Variants in DLG2 observed in about 807,000 individuals in gnomAD.
The protein encoded by DLG2 is discs large MAGUK scaffold protein 2, also known as disks large homolog 2.
DLG2 carries 45 observed loss-of-function variants against 132.5 expected under a neutral mutation model. The observed-to-expected ratio is 0.34, with a 90% CI of 0.27 to 0.44. DLG2 has a LOEUF of 0.44. Among genes scored for constraint, DLG2 ranks in the 20% least tolerant of loss-of-function variants. The probability of loss-of-function intolerance (pLI) is 1.00; values close to 1 mark genes in which losing one functional copy is unlikely to be tolerated. For synonymous variants in DLG2, 424 were observed against 419.6 expected (o/e 1.01, Z -0.13); for missense variants, 1,045 against 1,196.9 (o/e 0.87, Z 1.87).
At chr11:85,102,548 G>C (rs1454035017) in intron 6 of DLG2, among the ~76,000 whole-genome samples, 1 of 151,908 alleles carries the variant, frequency 6.6e-6, no homozygotes, top group African/African-American at 2.4e-5. Flanking sequence ...AAAGTTTTAA[G>C]TATTAAAAAC....
chr11:84,918,409 A>G (rs1242668035), intron 6 of DLG2, among the ~76,000 whole-genome samples: 2 of 152,160 alleles, frequency 1.3e-5, no homozygotes, highest in African/African-American at 4.8e-5. Context: ...CTTCGAAGAT[A>G]GATATAGACA....
At chr11:85,215,150 T>C (rs2082498156) in intron 4 of DLG2, among the ~76,000 whole-genome samples, 2 of 152,092 alleles carry the variant, frequency 1.3e-5, no homozygotes, top group African/African-American at 4.8e-5. Context: ...AAACACAAGT[T>C]CATAATTTAA....
chr11:84,128,877 T>C (rs555885664), intron 9 of DLG2, among the ~76,000 whole-genome samples: 2 of 152,234 alleles, frequency 1.3e-5, no homozygotes, highest in South Asian at 4.1e-4. Flanking sequence ...AACTTCAGAG[T>C]TCAACATACA....
chr11:85,088,308 T>C (rs971703168), intron 6 of DLG2, among the ~76,000 whole-genome samples: 1 of 152,174 alleles, frequency 6.6e-6, no homozygotes, highest in African/African-American at 2.4e-5. Context: ...ACAGAATCAA[T>C]ATATATTTCT....
At chr11:84,094,016 A>C (rs2097133796) in intron 10 of DLG2, among the ~76,000 whole-genome samples, 1 of 151,076 alleles carries the variant, frequency 6.6e-6, no homozygotes, top group Non-Finnish European at 1.5e-5. Context: ...ACATGTGCAC[A>C]TTGTGCAGGT....
intron 6 of DLG2, among the ~76,000 whole-genome samples, chr11:84,584,833 C>T (rs987149677): frequency 6.6e-6 from 1 of 150,438 alleles, no homozygotes; most frequent in Non-Finnish European, 1.5e-5. Flanking sequence ...GGACTACAGG[C>T]GCCCGCCACT....
Position 83,455,357 on chromosome 11 carries a change from C to A in DLG2, c.*4461G>T, listed in dbSNP as rs1373014307. ...GGAGAAACATCCTGTCAGAGAGAAG[C>A]ACAAAACTGTCATATTGAAAGGATC... is the stretch of plus-strand genomic sequence containing the variant. On this transcript the variant is annotated 3_prime_UTR_variant, in exon 28 of 28. Transcript: ENST00000376104. 3 of 152,510 alleles carry A rather than the reference C, an allele frequency of 2.0e-5. No individual in the cohort carries two copies. Among genetic ancestry groups the A allele is most frequent in the Non-Finnish European group, 4.4e-5 (3 of 68,048 alleles). 9.4% of individuals were successfully genotyped at this position (152,510 alleles called of 1,614,324 possible).
intron 17 of DLG2, chr11:83,791,654 C>A: frequency 3.0e-6 from 1 of 330,422 alleles, no homozygotes; most frequent in Admixed American, 4.6e-5. Flanking sequence ...AGATGGTCAG[C>A]CGGGCGCGGT....
intron 21 of DLG2, among the ~76,000 whole-genome samples, chr11:83,527,970 T>C (rs1189936972): frequency 6.6e-6 from 1 of 152,062 alleles, no homozygotes; most frequent in Non-Finnish European, 1.5e-5. Flanking sequence ...AGAAGGACAA[T>C]AAAAGAAATT....
rs537912855 is a variant in DLG2, at chr11:85,136,912, AT to A, written c.282+17643del. Among the ~76,000 whole-genome samples, 316 of 152,226 alleles carry A rather than the reference AT, an allele frequency of 2.1e-3. 2 individuals carry two copies. Among genetic ancestry groups the A allele is most frequent in the African/African-American group, 7.2e-3 (301 of 41,562 alleles). On this transcript the variant is annotated intron_variant, in intron 5 of 27. Transcript: ENST00000376104. ...GAATAATCACAGCTCTAGTTATGCT[AT>A]TTTTTGATAGTTTTTAAAAAATCTA... is the stretch of plus-strand genomic sequence containing the variant.
chr11:83,757,945 A>T (rs2093722479), intron 18 of DLG2, among the ~76,000 whole-genome samples: 1 of 152,144 alleles, frequency 6.6e-6, no homozygotes, highest in African/African-American at 2.4e-5. Flanking sequence ...TGTTGCCCCT[A>T]TTGACTTGGT....
chr11:85,443,752 A>G (rs2091889137), intron 3 of DLG2, among the ~76,000 whole-genome samples: 1 of 152,250 alleles, frequency 6.6e-6, no homozygotes. Flanking sequence ...GTGATCAGAA[A>G]TGAGACTTGT....
intron 6 of DLG2, among the ~76,000 whole-genome samples, chr11:84,802,774 C>G (rs920176353): frequency 1.3e-5 from 2 of 151,988 alleles, no homozygotes; most frequent in Non-Finnish European, 2.9e-5. Flanking sequence ...AATTTACGCT[C>G]TTTGTTTCTT....
At position 85,335,745 on chromosome 11, in the gene DLG2, G is replaced by A. The variant is rs1175243189; in HGVS notation, c.41-50380C>T. On this transcript the variant is annotated intron_variant, in intron 3 of 27. Coordinates refer to ENST00000376104, the MANE Select transcript of DLG2 (RefSeq NM_001142699.3). ...CACTCATAATTGTGAGTTGAACAAT[G>A]AGAACACATGGAGATGGGGGCGGAG... Among the ~76,000 whole-genome samples, 5 of 151,962 alleles carry A rather than the reference G, an allele frequency of 3.3e-5. No homozygotes were observed. The East Asian group carries it at 7.7e-4, about 24-fold the overall frequency.
chr11:84,233,960 TC>T (rs1352439101), intron 8 of DLG2, among the ~76,000 whole-genome samples: 1 of 152,194 alleles, frequency 6.6e-6, no homozygotes, highest in Non-Finnish European at 1.5e-5. Context: ...ATCAGCAGCT[TC>T]CTGACAAGAT....
At chr11:84,996,229 T>G (rs1465427291) in intron 6 of DLG2, among the ~76,000 whole-genome samples, 1 of 152,298 alleles carries the variant, frequency 6.6e-6, no homozygotes, top group African/African-American at 2.4e-5. Flanking sequence ...TTGTACTTTT[T>G]AATCCAAAGA....
intron 7 of DLG2, among the ~76,000 whole-genome samples, chr11:84,495,613 T>C (rs925751817): frequency 6.6e-6 from 1 of 152,184 alleles, no homozygotes; most frequent in Non-Finnish European, 1.5e-5. Flanking sequence ...ACCTCAGTTA[T>C]CATCTATTTT....
intron 16 of DLG2, among the ~76,000 whole-genome samples, chr11:83,850,738 C>T (rs1176558212): frequency 6.6e-5 from 10 of 152,140 alleles, no homozygotes; most frequent in Non-Finnish European, 1.5e-4. Context: ...CATATACTTT[C>T]TTCATTCATT....
chr11:84,419,660 A>T (rs2098941773), intron 7 of DLG2, among the ~76,000 whole-genome samples: 1 of 151,958 alleles, frequency 6.6e-6, no homozygotes, highest in Non-Finnish European at 1.5e-5. Context: ...TAAGATCCCC[A>T]CCCCCAGACC....
Sources: allele counts gnomAD v4.1 joint callset (sites outside exome capture counted in the v4.1 genomes callset), GRCh38; gene constraint gnomAD v4.1.1; transcripts MANE v1.5; gene names NCBI Gene and HGNC (gene_info 2026-07-23, HGNC 2026-07-21).